Variants in ZNF225 observed in about 807,000 individuals in gnomAD.
The protein encoded by ZNF225 is zinc finger protein 225.
A neutral mutation model predicts 12.0 loss-of-function variants in ZNF225; 6 were observed. The observed-to-expected ratio is 0.50, with a 90% CI of 0.27 to 0.98. The LOEUF (loss-of-function observed/expected upper bound fraction) is 0.98. Among genes scored for constraint, ZNF225 ranks in the 50% least tolerant of loss-of-function variants. ZNF225 has a pLI of 0.11. For missense variants in ZNF225, 763 were observed against 848.2 expected (o/e 0.90, Z 1.25); for synonymous variants, 271 against 283.2 (o/e 0.96, Z 0.43).
At chr19:44,114,011 G>T in intron 1 of ZNF225, 1 of 311,328 alleles carries the variant, frequency 3.2e-6, no homozygotes, top group Non-Finnish European at 5.9e-6. Context: ...CCTGCAAGAC[G>T]CTGGGTGATC....
At chr19:44,119,009 G>T (rs1790334638) in intron 4 of ZNF225, among the ~76,000 whole-genome samples, 1 of 152,076 alleles carries the variant, frequency 6.6e-6, no homozygotes, top group Non-Finnish European at 1.5e-5. Context: ...GTAGAGACGG[G>T]GTTTCACCGT....
At chr19:44,114,105 G>C in intron 1 of ZNF225, 1 of 552,698 alleles carries the variant, frequency 1.8e-6, no homozygotes, top group Admixed American at 3.1e-5. Context: ...ACTTTTATGG[G>C]GCACGGCGAC....
intron 1 of ZNF225, among the ~76,000 whole-genome samples, chr19:44,114,517 T>TC (rs1967899675): frequency 6.6e-6 from 1 of 151,548 alleles, no homozygotes; most frequent in African/African-American, 2.4e-5. Flanking sequence ...TCTCTCTCTC[T>TC]TTTTTTTTCT....
At chr19:44,119,046 G>C (rs990981192) in intron 4 of ZNF225, among the ~76,000 whole-genome samples, 2 of 152,164 alleles carry the variant, frequency 1.3e-5, no homozygotes, top group Non-Finnish European at 2.9e-5. Context: ...TCGATCTCCT[G>C]ACCTCGTGAT....
rs1007668738 is a variant in ZNF225, at chr19:44,120,149, G to A, written c.235+1575G>A. Reference sequence around the variant, plus strand: ...GGAGAATCACTTGAACCCAGGAAGCGGAGGTTGCAGTGAGCCGAGATGGCG... The same window carrying A: ...GGAGAATCACTTGAACCCAGGAAGCAGAGGTTGCAGTGAGCCGAGATGGCG... On this transcript the variant is annotated intron_variant, in intron 4 of 4. Coordinates refer to ENST00000262894, the MANE Select transcript of ZNF225 (RefSeq NM_013362.4). Among the ~76,000 whole-genome samples, 7 of 152,310 alleles carry A rather than the reference G, an allele frequency of 4.6e-5. No individual in the cohort carries two copies. The East Asian group carries it at 5.8e-4, about 13-fold the overall frequency.
rs1456629386 is a variant in ZNF225 at position 44,118,531 on chromosome 19, G to A, written c.192G>A (p.Lys64=). 1.2e-6 allele frequency: 2 copies of A among 1,612,634 alleles called. No homozygotes were observed. Among genetic ancestry groups the A allele is most frequent in the Non-Finnish European group, 1.7e-6 (2 of 1,179,206 alleles). The part of the protein sequence containing the change: ...RDTFHFLKEE[K]FWMMETATQR... Reference sequence around the variant, plus strand: ...CTTTCCACTTCCTAAAGGAAGAAAAGTTTTGGATGATGGAGACAGCAACCC... The same window carrying A: ...CTTTCCACTTCCTAAAGGAAGAAAAATTTTGGATGATGGAGACAGCAACCC... Residue 64 remains lysine, a synonymous_variant, in exon 4 of 5, where the codon AAG becomes AAA. Transcript: ENST00000262894.
rs925851467 is a variant in ZNF225 at position 44,131,924 on chromosome 19, A to G, written c.1310A>G (p.Tyr437Cys). 8 of 1,610,312 alleles carry G rather than the reference A, an allele frequency of 5.0e-6. No individual in the cohort carries two copies. In the South Asian group the frequency reaches 8.8e-5, roughly 18 times the overall value. ...PYRCEECGKG[Y>C]KRRLDLDFHQ... is the part of the protein sequence containing the mutation. ...AGATGTGAGGAGTGTGGGAAGGGCTACAAAAGGAGGTTGGATCTTGACTTT... is the reference window on the plus strand; with the variant it reads ...AGATGTGAGGAGTGTGGGAAGGGCTGCAAAAGGAGGTTGGATCTTGACTTT... The change falls in exon 5 of 5, where the codon TAC (tyrosine) becomes TGC (cysteine). Residue 437 changes from tyrosine to cysteine, a missense_variant. Physicochemically the swap from Tyr to Cys is radical, Grantham distance 194. Coordinates refer to ENST00000262894, the MANE Select transcript of ZNF225 (RefSeq NM_013362.4).
Position 44,131,880 on chromosome 19 carries a change from C to T in ZNF225, c.1266C>T (p.His422=). 2 of 1,614,074 alleles carry T rather than the reference C, an allele frequency of 1.2e-6. No individual in the cohort carries two copies. Among genetic ancestry groups the T allele is most frequent in the East Asian group, 4.5e-5 (2 of 44,882 alleles). Residue 422 remains histidine (H), a synonymous_variant, in exon 5 of 5, where the codon CAC becomes CAT. Coordinates refer to ENST00000262894, the MANE Select transcript of ZNF225 (RefSeq NM_013362.4). ...AACGTTATTCTCACCAGAGAGCGCA[C>T]AGTGGAGAAAAGCCATATAGATGTG... The part of the protein sequence containing the change: ...NSQRYSHQRA[H]SGEKPYRCEE...
Position 44,134,219 on chromosome 19 carries a change from T to C in ZNF225, c.*1484T>C, listed in dbSNP as rs2083703960. The C allele has an allele frequency of 6.6e-6, 1 of 152,192 alleles. No individual in the cohort carries two copies. The highest frequency in any genetic ancestry group is 1.5e-5 in the Non-Finnish European group (1 of 68,032). 9.4% of individuals were successfully genotyped at this position (152,192 alleles called of 1,614,324 possible). On this transcript the variant is annotated 3_prime_UTR_variant, in exon 5 of 5. Coordinates refer to ENST00000262894, the MANE Select transcript of ZNF225 (RefSeq NM_013362.4). ...AGGTCTCAATTCCTCCAGTATTGAATTGTGACTGTACTTGTGAAATGTCTA... is the reference window on the plus strand; with the variant it reads ...AGGTCTCAATTCCTCCAGTATTGAACTGTGACTGTACTTGTGAAATGTCTA...
chr19:44,115,504 G>A, intron 1 of ZNF225: 1 of 230,106 alleles, frequency 4.3e-6, no homozygotes, highest in Non-Finnish European at 8.5e-6. Flanking sequence ...TGTTTCCAAA[G>A]TTCATGCGTG....
chr19:44,114,287 G>A, intron 1 of ZNF225: 1 of 622,580 alleles, frequency 1.6e-6, no homozygotes, highest in Non-Finnish European at 2.9e-6. Flanking sequence ...GTGTCTTCGG[G>A]CATGGGTGTT....
intron 4 of ZNF225, among the ~76,000 whole-genome samples, chr19:44,126,782 C>A (rs1239600377): frequency 6.6e-6 from 1 of 152,094 alleles, no homozygotes; most frequent in East Asian, 1.9e-4. Context: ...AGGATTATGG[C>A]TGCCTCTGCT....
At chr19:44,116,338 A>G (rs1340019464) in intron 2 of ZNF225, among the ~76,000 whole-genome samples, 1 of 152,158 alleles carries the variant, frequency 6.6e-6, no homozygotes, top group Non-Finnish European at 1.5e-5. Flanking sequence ...TGTTGTGCCA[A>G]CACGAGAGCC....
At position 44,113,793 on chromosome 19, in the gene ZNF225, C is replaced by A. The variant is rs1236020813; in HGVS notation, c.-69+224C>A. ...GGGATGTTACTTAATCTCCTTGGGT[C>A]TCCCGTTACAGTTCTTTAAGATGGG... On this transcript the variant is annotated intron_variant, in intron 1 of 4. Transcript: ENST00000262894. Among the ~76,000 whole-genome samples the A allele has an allele frequency of 2.0e-5, 3 of 152,320 alleles. No homozygotes were observed. In the East Asian group the frequency reaches 5.8e-4, roughly 29 times the overall value.
At chr19:44,128,951 C>A in intron 4 of ZNF225, 1 of 712,834 alleles carries the variant, frequency 1.4e-6, no homozygotes, top group Non-Finnish European at 1.9e-6. Flanking sequence ...CCAATCAGGG[C>A]ATGACCCCTT....
At position 44,131,213 on chromosome 19, in the gene ZNF225, G is replaced by T. The variant is rs377506210; in HGVS notation, c.599G>T (p.Gly200Val). The T allele has an allele frequency of 1.2e-5, 20 of 1,614,056 alleles. No homozygotes were observed. Among genetic ancestry groups the T allele is most frequent in the Non-Finnish European group, 1.7e-5 (20 of 1,180,042 alleles). Residue 200 changes from glycine (G) to valine (V), a missense_variant, in exon 5 of 5, where the codon GGG becomes GTG. Transcript: ENST00000262894. ...ALRIHQRVHM[G>V]EKLYNCDVCG... Reference sequence around the variant, plus strand: ...CGTATTCATCAGAGAGTTCACATGGGGGAGAAACTCTATAATTGTGATGTG... The same window carrying T: ...CGTATTCATCAGAGAGTTCACATGGTGGAGAAACTCTATAATTGTGATGTG...
chr19:44,131,261 G>T lies in ZNF225; in HGVS notation c.647G>T (p.Ser216Ile). 6.2e-7 allele frequency: 1 copy of T among 1,614,210 alleles called. No homozygotes were observed. Among genetic ancestry groups the T allele is most frequent in the Non-Finnish European group, 8.5e-7 (1 of 1,180,030 alleles). ...GTGTGTGGTAAGGAATTCAATCAGA[G>T]CTCACATCTGCAAATTCATCAGAGA... ...CDVCGKEFNQ[S>I]SHLQIHQRIH... The change falls in exon 5 of 5, where the codon AGC becomes ATC. Residue 216 changes from serine (S) to isoleucine (I), a missense_variant. Ser to Ile is a moderately radical substitution (Grantham distance 142, BLOSUM62 -2). Transcript: ENST00000262894.
intron 2 of ZNF225, among the ~76,000 whole-genome samples, chr19:44,117,476 A>G (rs1463288208): frequency 6.6e-6 from 1 of 152,226 alleles, no homozygotes; most frequent in Non-Finnish European, 1.5e-5. Context: ...CAAGTATGAG[A>G]GAGAACAATG....
rs1294893656 is a variant in ZNF225, at chr19:44,124,542, A to C, written c.235+5968A>C. On this transcript the variant is annotated intron_variant, in intron 4 of 4. Coordinates refer to ENST00000262894, the MANE Select transcript of ZNF225 (RefSeq NM_013362.4). ...ATCTGTTAAGTCCATTTGTTGCAAG[A>C]CATAGTTTAAATTCTTTGTTTCTTT... 2.0e-5 allele frequency among the ~76,000 whole-genome samples: 3 copies of C among 152,108 alleles called. No homozygotes were observed. The South Asian group carries it at 6.2e-4, about 31-fold the overall frequency.
Sources: gnomAD v4.1 joint callset for allele counts (sites outside exome capture counted in the v4.1 genomes callset) on GRCh38, gnomAD v4.1.1 for gene constraint, MANE v1.5 for transcripts, NCBI Gene and HGNC (gene_info 2026-07-23, HGNC 2026-07-21) for gene names.